The following FARP1 variants were observed in gnomAD, a reference collection of about 807,000 sequenced individuals.
FARP1 encodes FERM, ARHGEF and pleckstrin domain-containing protein 1.
FARP1 carries 52 observed loss-of-function variants against 128.8 expected under a neutral mutation model. The observed-to-expected ratio is 0.40, with a 90% CI of 0.32 to 0.51. FARP1 has a LOEUF of 0.51. Ranked by LOEUF, FARP1 falls within the 20% of genes least tolerant of loss-of-function variation. The pLI, the probability that FARP1 is intolerant of heterozygous loss-of-function variation, is 0.45. For synonymous variants in FARP1, 580 were observed against 551.8 expected, an observed-to-expected ratio of 1.05 and a Z score of -0.72; for missense variants, 1,333 against 1,367.9, an observed-to-expected ratio of 0.97 and a Z score of 0.40.
At chr13:98,194,209 TG>T (rs1879424916) in intron 1 of FARP1, among the ~76,000 whole-genome samples, 1 of 152,110 alleles carries the variant, frequency 6.6e-6, no homozygotes. Context: ...CTCCGCCTCC[TG>T]GGTTCAAGCG....
intron 2 of FARP1, among the ~76,000 whole-genome samples, chr13:98,245,889 C>T (rs1883022693): frequency 6.6e-6 from 1 of 151,604 alleles, no homozygotes; most frequent in Non-Finnish European, 1.5e-5. Flanking sequence ...CTGCCTCAGC[C>T]TCCCGGGTAG....
intron 2 of FARP1, among the ~76,000 whole-genome samples, chr13:98,312,404 G>C (rs977118026): frequency 2.0e-5 from 3 of 152,178 alleles, no homozygotes; most frequent in Admixed American, 2.0e-4. Context: ...CTCCCAAAAT[G>C]CTGGGATTAC....
At chr13:98,258,169 A>G (rs984510216) in intron 2 of FARP1, among the ~76,000 whole-genome samples, 2 of 152,202 alleles carry the variant, frequency 1.3e-5, no homozygotes, top group Middle Eastern at 3.4e-3. Context: ...GGGTTTCACC[A>G]TGTTAGCAAG....
intron 2 of FARP1, among the ~76,000 whole-genome samples, chr13:98,216,964 C>A (rs2139342499): frequency 6.6e-6 from 1 of 152,278 alleles, no homozygotes; most frequent in South Asian, 2.1e-4. Context: ...CTCTTCCAAC[C>A]AGAGGTTATG....
chr13:98,150,076 C>A (rs1362201402), intron 1 of FARP1, among the ~76,000 whole-genome samples: 1 of 149,690 alleles, frequency 6.7e-6, no homozygotes, highest in Non-Finnish European at 1.5e-5. Context: ...CTCACTCTGT[C>A]ACCCAGACTG....
chr13:98,384,480 A>G, intron 6 of FARP1: 3 of 519,410 alleles, frequency 5.8e-6, no homozygotes, highest in Admixed American at 3.1e-5. Flanking sequence ...GGCATGAGCT[A>G]CTGTGCCTGA....
chr13:98,279,224 C>T (rs1464276389), intron 2 of FARP1, among the ~76,000 whole-genome samples: 2 of 151,988 alleles, frequency 1.3e-5, no homozygotes, highest in Non-Finnish European at 2.9e-5. Flanking sequence ...ATGAAATGTG[C>T]CAGTATTAAC....
chr13:98,146,600 C>A (rs1037025934), intron 1 of FARP1, among the ~76,000 whole-genome samples: 1 of 152,164 alleles, frequency 6.6e-6, no homozygotes, highest in South Asian at 2.1e-4. Flanking sequence ...TTGCTTATTG[C>A]AGATAACTGC....
intron 3 of FARP1, among the ~76,000 whole-genome samples, chr13:98,357,488 A>G (rs992364262): frequency 6.6e-6 from 1 of 152,138 alleles, no homozygotes; most frequent in Non-Finnish European, 1.5e-5. Flanking sequence ...TTAGGTCTTC[A>G]AGTTTAGTAA....
rs3736866 is a variant in FARP1 at position 98,409,388 on chromosome 13, G to C, written c.1465G>C (p.Gly489Arg). Residue 489 changes from glycine (G) to arginine (R), a missense_variant, in exon 14 of 27, where the codon GGG becomes CGG. Transcript: ENST00000319562. ...HLSELSVNSQ[G>R]GVAPANVTLS... ...TTCCGAGCTGTCTGTGAACTCGCAG[G>C]GGGGAGTGGCCCCTGCCAACGTGAC... is the stretch of plus-strand genomic sequence containing the variant. The C allele has an allele frequency of 5.6e-4, 905 of 1,614,032 alleles. 7 individuals carry two copies. In the East Asian group the frequency reaches 0.016, roughly 28 times the overall value.
intron 2 of FARP1, among the ~76,000 whole-genome samples, chr13:98,323,999 T>G (rs576012429): frequency 1.3e-5 from 2 of 152,248 alleles, no homozygotes; most frequent in Non-Finnish European, 2.9e-5. Flanking sequence ...TCATCACAAC[T>G]TGAACTATGT....
At chr13:98,446,560 G>C in intron 25 of FARP1, 106 bp from the exon 26 acceptor site, 1 of 1,213,130 alleles carries the variant, frequency 8.2e-7, no homozygotes, top group Non-Finnish European at 1.2e-6. Context: ...CGCCCGAGGA[G>C]GGAGCTGCCT....
intron 2 of FARP1, among the ~76,000 whole-genome samples, chr13:98,236,088 C>T (rs1292003233): frequency 2.5e-4 from 38 of 152,230 alleles, no homozygotes; most frequent in Admixed American, 6.5e-5. Context: ...CCTTCCGAAA[C>T]TCATATAATT....
intron 1 of FARP1, among the ~76,000 whole-genome samples, chr13:98,186,010 T>C (rs1458053018): frequency 6.6e-6 from 1 of 152,114 alleles, no homozygotes; most frequent in African/African-American, 2.4e-5. Context: ...ATTTACTGTT[T>C]TGATCATTTT....
chr13:98,309,743 G>A (rs1331491511), intron 2 of FARP1, among the ~76,000 whole-genome samples: 1 of 152,200 alleles, frequency 6.6e-6, no homozygotes, highest in Non-Finnish European at 1.5e-5. Flanking sequence ...ACTGTTGAGG[G>A]GTTAGGTGAT....
intron 2 of FARP1, among the ~76,000 whole-genome samples, chr13:98,314,437 G>A (rs1444652847): frequency 6.6e-6 from 1 of 151,760 alleles, no homozygotes; most frequent in Non-Finnish European, 1.5e-5. Flanking sequence ...GTGCCACCAT[G>A]CCCAGCTAAT....
At chr13:98,310,316 C>G (rs1337927342) in intron 2 of FARP1, among the ~76,000 whole-genome samples, 6 of 152,078 alleles carry the variant, frequency 3.9e-5, no homozygotes, top group Admixed American at 3.9e-4. Context: ...CTAAACCCCT[C>G]CCTCCTCTGA....
intron 13 of FARP1, chr13:98,396,036 A>G (rs1465954156): frequency 3.8e-5 from 15 of 399,050 alleles, no homozygotes; most frequent in Admixed American, 8.8e-5. Context: ...CGCCAAGGCC[A>G]TACATGCGGA....
At chr13:98,397,202 T>G (rs1459832289) in intron 13 of FARP1, 1 of 152,350 alleles carries the variant, frequency 6.6e-6, no homozygotes, top group Non-Finnish European at 1.5e-5. Context: ...CATATTGTTA[T>G]GTTTTAAGAA....
Sources: allele counts gnomAD v4.1 joint callset (sites outside exome capture counted in the v4.1 genomes callset), GRCh38; gene constraint gnomAD v4.1.1; transcripts MANE v1.5; gene names NCBI Gene and HGNC (gene_info 2026-07-23, HGNC 2026-07-21).